The following MEF2A variants were observed in gnomAD, a reference collection of about 807,000 sequenced individuals.
The protein encoded by MEF2A is myocyte enhancer factor 2A.
Under a neutral mutation model 55.8 loss-of-function variants are expected in MEF2A, and 28 were observed. The ratio of observed to expected loss-of-function variants is 0.50; its 90% CI spans 0.37 to 0.69. The LOEUF (loss-of-function observed/expected upper bound fraction) is 0.69. Among genes scored for constraint, MEF2A ranks in the 30% least tolerant of loss-of-function variants. The pLI is 0.00. For synonymous variants in MEF2A, 239 were observed against 227.1 expected (o/e 1.05, Z -0.47); for missense variants, 528 against 626.2 (o/e 0.84, Z 1.67).
chr15:99,587,572 A>C (rs1967759253), intron 1 of MEF2A, among the ~76,000 whole-genome samples: 1 of 152,240 alleles, frequency 6.6e-6, no homozygotes, highest in Admixed American at 6.5e-5. Context: ...GTTCAGCTCC[A>C]TGAACATGGT....
Position 99,654,621 on chromosome 15 carries a change from C to T in MEF2A, c.258+8857C>T, listed in dbSNP as rs377304406. Among the ~76,000 whole-genome samples the T allele has an allele frequency of 9.9e-5, 15 of 151,626 alleles. No homozygotes were observed. The East Asian group carries it at 1.4e-3, about 14-fold the overall frequency. ...TTATTTCATGTAAGAAAAATTCCAG[C>T]AGCATGGTAGAGATTTGGCTGTGTT... On this transcript the variant is annotated intron_variant, in intron 4 of 11. Coordinates refer to ENST00000557942, the MANE Select transcript of MEF2A (RefSeq NM_001319206.4).
Position 99,657,388 on chromosome 15 carries a change from T to A in MEF2A, c.258+11624T>A, listed in dbSNP as rs539733287. 2.0e-4 allele frequency: 31 copies of A among 152,162 alleles called. No homozygotes were observed. The South Asian group carries it at 2.5e-3, about 12-fold the overall frequency. The allele number at this position is 152,162 out of a possible 1,614,324, so 9.4% of individuals were successfully genotyped here. A position where few individuals can be genotyped will look rare whatever the true frequency, so the allele number is the denominator to read the frequency against. On this transcript the variant is annotated intron_variant, in intron 4 of 11. Transcript: ENST00000557942. ...TTATTAGAAAATGGTTGATTTTTTT[T>A]AAAATTTTGATATTGTTGGGCTAGG...
At chr15:99,594,167 C>T (rs983249049) in intron 1 of MEF2A, among the ~76,000 whole-genome samples, 2 of 152,204 alleles carry the variant, frequency 1.3e-5, no homozygotes, top group African/African-American at 4.8e-5. Flanking sequence ...CTACAAGTCC[C>T]TGGTTGTGAT....
intron 1 of MEF2A, among the ~76,000 whole-genome samples, chr15:99,579,101 C>G (rs576935209): frequency 6.6e-6 from 1 of 152,262 alleles, no homozygotes; most frequent in East Asian, 1.9e-4. Context: ...GGGTGCCTTG[C>G]AATTTAGTCT....
intron 1 of MEF2A, among the ~76,000 whole-genome samples, chr15:99,586,781 T>G (rs903155589): frequency 2.4e-4 from 36 of 152,124 alleles, no homozygotes; most frequent in Non-Finnish European, 5.0e-4. Flanking sequence ...CTTTGAGAAG[T>G]TTTATAGTTT....
At chr15:99,706,993 T>C (rs749968993) in intron 10 of MEF2A, 138 bp downstream of exon 10, 20 of 1,122,170 alleles carry the variant, frequency 1.8e-5, no homozygotes, top group Non-Finnish European at 2.3e-5. Flanking sequence ...GGATGTATTT[T>C]TCAATGTGCT....
intron 8 of MEF2A, 154 bp downstream of exon 8, chr15:99,690,582 TC>T (rs1258577861): frequency 1.3e-6 from 1 of 789,084 alleles, no homozygotes. Flanking sequence ...AAGAGACAAG[TC>T]TATTTCAAAT....
intron 1 of MEF2A, among the ~76,000 whole-genome samples, chr15:99,584,548 A>G (rs1797334336): frequency 6.6e-6 from 1 of 152,202 alleles, no homozygotes; most frequent in African/African-American, 2.4e-5. Context: ...ATGAATCTTG[A>G]AAACATGTTA....
chr15:99,663,483 A>T (rs1234219186), intron 4 of MEF2A, among the ~76,000 whole-genome samples: 2 of 151,986 alleles, frequency 1.3e-5, no homozygotes, highest in African/African-American at 4.8e-5. Context: ...ACATATATAT[A>T]TTTAAAATTT....
chr15:99,666,578 T>TATAATAATAATAATAATAATAATAATA (rs55855939), intron 4 of MEF2A, among the ~76,000 whole-genome samples: 1 of 141,270 alleles, frequency 7.1e-6, no homozygotes, highest in Non-Finnish European at 1.5e-5. Flanking sequence ...GAACTTAAAG[T>TATAATAATAATAATAATAATAATAATA]ATAATAATAA....
intron 4 of MEF2A, among the ~76,000 whole-genome samples, chr15:99,650,045 C>T (rs1020680546): frequency 1.1e-4 from 17 of 152,122 alleles, no homozygotes; most frequent in Non-Finnish European, 1.8e-4. Context: ...GGCCGTTTGT[C>T]TCTCTTGTTA....
intron 8 of MEF2A, among the ~76,000 whole-genome samples, chr15:99,695,944 A>G (rs946459856): frequency 3.9e-5 from 6 of 152,196 alleles, no homozygotes; most frequent in Non-Finnish European, 8.8e-5. Context: ...AAAATTTACC[A>G]TTGCAAACAC....
intron 2 of MEF2A, among the ~76,000 whole-genome samples, chr15:99,601,807 TTG>T (rs56729766): frequency 0.034 from 4,755 of 138,790 alleles, 242 homozygotes; most frequent in African/African-American, 0.12. Context: ...TTTGTCTGTT[TTG>T]TGTGTGTGTG....
chr15:99,657,719 A>C (rs1490239980), intron 4 of MEF2A, among the ~76,000 whole-genome samples: 1 of 152,010 alleles, frequency 6.6e-6, no homozygotes, highest in East Asian at 1.9e-4. Flanking sequence ...TACCCCCAAA[A>C]CCCTTTAAAC....
intron 2 of MEF2A, among the ~76,000 whole-genome samples, chr15:99,626,158 T>TAAA (rs2042014366): frequency 6.6e-6 from 1 of 152,188 alleles, no homozygotes; most frequent in African/African-American, 2.4e-5. Flanking sequence ...AGCTCTTTTT[T>TAAA]GTTTCTTTGC....
At chr15:99,707,048 G>A (rs2058117490) in intron 10 of MEF2A, among the ~76,000 whole-genome samples, 193 bp downstream of exon 10, 1 of 152,156 alleles carries the variant, frequency 6.6e-6, no homozygotes, top group Non-Finnish European at 1.5e-5. Context: ...TGGATAGTGC[G>A]ATGAGTAAGT....
intron 2 of MEF2A, among the ~76,000 whole-genome samples, chr15:99,604,559 C>T (rs531931475): frequency 2.0e-5 from 3 of 150,382 alleles, no homozygotes; most frequent in African/African-American, 7.3e-5. Context: ...TTTTTAATGC[C>T]CTTGTCAGTT....
intron 8 of MEF2A, among the ~76,000 whole-genome samples, chr15:99,702,798 TAAAC>T (rs1022934096): frequency 6.6e-5 from 10 of 152,246 alleles, no homozygotes; most frequent in African/African-American, 1.9e-4. Context: ...TTGCAAATGA[TAAAC>T]ATATATAAAA....
intron 3 of MEF2A, among the ~76,000 whole-genome samples, chr15:99,634,133 G>A (rs1255418698): frequency 6.6e-6 from 1 of 152,198 alleles, no homozygotes; most frequent in Non-Finnish European, 1.5e-5. Flanking sequence ...AGTTTACCAG[G>A]AACAGAACGA....
Sources: allele counts gnomAD v4.1 joint callset (sites outside exome capture counted in the v4.1 genomes callset), GRCh38; gene constraint gnomAD v4.1.1; transcripts MANE v1.5; gene names NCBI Gene and HGNC (gene_info 2026-07-23, HGNC 2026-07-21).